CNTN4: variants seen among roughly 807,000 people sequenced by gnomAD.
CNTN4 encodes contactin 4.
Under a neutral mutation model 122.5 loss-of-function variants are expected in CNTN4, and 77 were observed. The observed-to-expected ratio is 0.63, with a 90% confidence interval of 0.52 to 0.76. The LOEUF (loss-of-function observed/expected upper bound fraction) is 0.76. Among genes scored for constraint, CNTN4 ranks in the 30% least tolerant of loss-of-function variants. The pLI is 0.00. For missense variants in CNTN4, 1,256 were observed against 1,259.1 expected (o/e 1.00, Z 0.04); for synonymous variants, 512 against 447.0 (o/e 1.15, Z -1.83).
At chr3:2,670,678 C>A (rs2084454753) in intron 4 of CNTN4, among the ~76,000 whole-genome samples, 1 of 152,168 alleles carries the variant, frequency 6.6e-6, no homozygotes, top group Non-Finnish European at 1.5e-5. Flanking sequence ...GATGCAGTTT[C>A]TTCCTAGCCT....
At chr3:2,705,675 T>G (rs1331710493) in intron 4 of CNTN4, among the ~76,000 whole-genome samples, 4 of 90,148 alleles carry the variant, frequency 4.4e-5, no homozygotes, top group Admixed American at 2.0e-4. Context: ...ATTTATATAT[T>G]GTATATTATA....
chr3:2,532,977 A>G (rs998079257), intron 3 of CNTN4, among the ~76,000 whole-genome samples: 1 of 152,084 alleles, frequency 6.6e-6, no homozygotes, highest in Non-Finnish European at 1.5e-5. Context: ...AATGAGAACC[A>G]TCCTTGATCA....
At chr3:2,606,951 G>T (rs1159141483) in intron 4 of CNTN4, among the ~76,000 whole-genome samples, 1 of 152,174 alleles carries the variant, frequency 6.6e-6, no homozygotes, top group East Asian at 1.9e-4. Flanking sequence ...GAGCTTTACA[G>T]ATGCTAGCTC....
rs533291929 is a variant in CNTN4 at position 2,716,630 on chromosome 3, A to ATTAAATT, written c.56-19581_56-19575dup. 1.7e-3 allele frequency among the ~76,000 whole-genome samples: 261 copies of ATTAAATT among 152,320 alleles called. 2 individuals are homozygous for ATTAAATT. The highest frequency in any genetic ancestry group is 6.1e-3 in the African/African-American group (254 of 41,582). The stretch of plus-strand genomic sequence containing the variant: ...GAGATACACTCCATATGCCTCTTCT[A>ATTAAATT]TTAAATTTTACCATTTTAGTAGTTT... On this transcript the variant is annotated intron_variant, in intron 4 of 24. Transcript: ENST00000418658.
At chr3:2,904,358 G>A (rs1452778257) in intron 12 of CNTN4, among the ~76,000 whole-genome samples, 1 of 152,124 alleles carries the variant, frequency 6.6e-6, no homozygotes, top group Non-Finnish European at 1.5e-5. Flanking sequence ...ATGTTCTCAA[G>A]TAGAATGTAC....
At chr3:2,719,744 G>C (rs1271011019) in intron 4 of CNTN4, among the ~76,000 whole-genome samples, 1 of 152,060 alleles carries the variant, frequency 6.6e-6, no homozygotes, top group Non-Finnish European at 1.5e-5. Flanking sequence ...TTTTGAAATA[G>C]AATGAAAAGT....
intron 4 of CNTN4, among the ~76,000 whole-genome samples, chr3:2,695,365 CTT>C (rs1216434086): frequency 6.6e-6 from 1 of 152,210 alleles, no homozygotes; most frequent in Non-Finnish European, 1.5e-5. Context: ...GTAAACCCCT[CTT>C]ATGCACAGCA....
In CNTN4 at chr3:2,943,775, C is replaced by T. The variant is rs549234656; in HGVS notation, c.1358+17996C>T. Among the ~76,000 whole-genome samples the T allele has an allele frequency of 3.3e-5, 5 of 151,578 alleles. No homozygotes were observed. The East Asian group carries it at 9.7e-4, about 29-fold the overall frequency. ...AGTAGCTGGGATTACAGGCATGCACCACCACACCCAGCTAATTTTTGTATT... is the reference window on the plus strand; with the variant it reads ...AGTAGCTGGGATTACAGGCATGCACTACCACACCCAGCTAATTTTTGTATT... On this transcript the variant is annotated intron_variant, in intron 13 of 24. Coordinates refer to ENST00000418658, the MANE Select transcript of CNTN4 (RefSeq NM_175607.3).
chr3:2,122,016 C>CGCA (rs1553568997), intron 2 of CNTN4, among the ~76,000 whole-genome samples: 2,324 of 134,988 alleles, frequency 0.017, 44 homozygotes, highest in African/African-American at 0.05. Flanking sequence ...ATTAGCCGGG[C>CGCA]GTGGTGGCGG....
intron 7 of CNTN4, among the ~76,000 whole-genome samples, chr3:2,825,827 T>G (rs2092975382): frequency 6.6e-6 from 1 of 152,338 alleles, no homozygotes; most frequent in Admixed American, 6.5e-5. Context: ...GCGATTATTT[T>G]CATTATTACG....
chr3:2,966,532 A>T (rs1692327961), intron 13 of CNTN4, among the ~76,000 whole-genome samples: 1 of 152,186 alleles, frequency 6.6e-6, no homozygotes, highest in Non-Finnish European at 1.5e-5. Context: ...ATGTAGTTAG[A>T]CAGGATGAAG....
intron 2 of CNTN4, among the ~76,000 whole-genome samples, chr3:2,199,326 AGTGTGTGTGTGTCTCT>A (rs1250175436): frequency 2.0e-5 from 3 of 151,648 alleles, no homozygotes; most frequent in African/African-American, 7.3e-5. Flanking sequence ...GTACTTTTAA[AGTGTGTGTGTGTCTCT>A]GTGTGTGTGT....
chr3:2,205,327 A>C (rs1447741145), intron 2 of CNTN4, among the ~76,000 whole-genome samples: 1 of 149,484 alleles, frequency 6.7e-6, no homozygotes, highest in East Asian at 1.9e-4. Flanking sequence ...TTACTAATTT[A>C]TTTTGTAATA....
rs1381317371 is a variant in CNTN4 at position 2,603,671 on chromosome 3, A to T, written c.55+32113A>T. 7.9e-5 allele frequency among the ~76,000 whole-genome samples: 12 copies of T among 152,232 alleles called. No homozygotes were observed. The East Asian group carries it at 2.3e-3, about 29-fold the overall frequency. On this transcript the variant is annotated intron_variant, in intron 4 of 24. Transcript: ENST00000418658. ...TCCTTGAAAACAAAGTGAAGTGCAT[A>T]TGAGAGCTCCGGTGGAATAAAAACA...
At chr3:2,239,161 AATTT>A (rs1291959635) in intron 2 of CNTN4, 1 of 152,110 alleles carries the variant, frequency 6.6e-6, no homozygotes, top group African/African-American at 2.4e-5. Flanking sequence ...GAGAATTATC[AATTT>A]ATTTGATTCT....
chr3:3,000,639 T>A (rs1018276886), intron 14 of CNTN4, among the ~76,000 whole-genome samples: 2 of 152,198 alleles, frequency 1.3e-5, no homozygotes, highest in Non-Finnish European at 2.9e-5. Flanking sequence ...CAGATACAAG[T>A]GTGTGGTTTG....
intron 3 of CNTN4, among the ~76,000 whole-genome samples, chr3:2,472,287 C>G (rs2075708976): frequency 6.6e-6 from 1 of 152,146 alleles, no homozygotes; most frequent in Non-Finnish European, 1.5e-5. Flanking sequence ...GCCACCCAGG[C>G]TGTAGTGCAA....
chr3:2,287,785 A>AAGAAGAAGAAGG (rs2041996497), intron 2 of CNTN4, among the ~76,000 whole-genome samples: 2 of 150,524 alleles, frequency 1.3e-5, no homozygotes, highest in African/African-American at 2.4e-5. Context: ...GAAGGAGAAG[A>AAGAAGAAGAAGG]AGAGGAGGAA....
At chr3:2,682,033 G>T (rs2150497234) in intron 4 of CNTN4, among the ~76,000 whole-genome samples, 1 of 152,232 alleles carries the variant, frequency 6.6e-6, no homozygotes, top group Non-Finnish European at 1.5e-5. Context: ...TAATGTTTTT[G>T]TGTTTGATCT....
Sources: gnomAD v4.1 joint callset for allele counts (sites outside exome capture counted in the v4.1 genomes callset) on GRCh38, gnomAD v4.1.1 for gene constraint, MANE v1.5 for transcripts, NCBI Gene and HGNC (gene_info 2026-07-23, HGNC 2026-07-21) for gene names.